MAGEL2: variants seen among roughly 807,000 people sequenced by gnomAD.
MAGEL2 encodes MAGE family member L2, also known as MAGE-like protein 2.
For missense variants in MAGEL2, 1,830 were observed against 1,699.2 expected (o/e 1.08, Z -1.35); for synonymous variants, 792 against 721.7 (o/e 1.10, Z -1.56).
rs771087085 is a variant in MAGEL2, at chr15:23,645,478, G to A, written c.2265C>T (p.Thr755=). 1.2e-6 allele frequency: 2 copies of A among 1,613,990 alleles called. No individual in the cohort carries two copies. Among genetic ancestry groups the A allele is most frequent in the African/African-American group, 1.3e-5 (1 of 75,060 alleles). Residue 755 remains threonine (T), a synonymous_variant, in exon 1 of 1, where the codon ACC becomes ACT. Coordinates refer to ENST00000650528, the MANE Select transcript of MAGEL2 (RefSeq NM_019066.5). Reference sequence around the variant, plus strand: ...CTGACACTGCCTTGGGAGCACAGAAGGTGGCAGCAAAGATCATGCGGTCTT... The same window carrying A: ...CTGACACTGCCTTGGGAGCACAGAAAGTGGCAGCAAAGATCATGCGGTCTT... The part of the protein sequence containing the change: ...PSKDRMIFAA[T]FCAPKAVSAA...
chr15:23,644,424 T>C lies in MAGEL2; in HGVS notation c.3319A>G (p.Arg1107Gly). 3 of 1,613,906 alleles carry C rather than the reference T, an allele frequency of 1.9e-6. No individual in the cohort carries two copies. The South Asian group carries it at 3.3e-5, about 18-fold the overall frequency. ...ACCATCAGAAGGCCAAACTTGGGCC[T>C]GTCTAAATAGGATGCCACCAAATTC... ...TGNLVASYLD[R>G]PKFGLLMVVL... Residue 1107 changes from arginine to glycine, a missense_variant, in exon 1 of 1, where the codon AGG becomes GGG. Transcript: ENST00000650528.
Position 23,647,644 on chromosome 15 carries a change from CG to C in MAGEL2, c.98del (p.Pro33ArgfsTer47). 6.5e-7 allele frequency: 1 copy of C among 1,536,304 alleles called. No individual in the cohort carries two copies. The highest frequency in any genetic ancestry group is 8.7e-7 in the Non-Finnish European group (1 of 1,146,644). The part of the protein sequence containing the change: ...YSRPTVLMRA[P>X]PASSRAPPVP... ...CTGGCGGAGCCCGGGAGGAAGCGGG[CG>C]GGGCCCGCATCAGAACCGTAGGGCG... is the stretch of plus-strand genomic sequence containing the variant. On this transcript the variant is annotated frameshift_variant, in exon 1 of 1. Transcript: ENST00000650528. LOFTEE classifies it low-confidence loss of function (END_TRUNC).
Position 23,646,405 on chromosome 15 carries a change from C to A in MAGEL2, c.1338G>T (p.Gln446His), listed in dbSNP as rs1890405798. ...GGGCCTGGCGGATCACGGGTGGGGC[C>A]TGGCGGATCACCGGTGGGGCCTGGC... ...LIRQAPPVIRQAPPVIRQAPP... is the reference protein window; with the variant it reads ...LIRQAPPVIRHAPPVIRQAPP... The change falls in exon 1 of 1, where the codon CAG becomes CAT. Residue 446 changes from glutamine (Q) to histidine (H), a missense_variant. Physicochemically the swap from Gln to His is conservative, Grantham distance 24. Transcript: ENST00000650528. This position sits in a 1 kb window ranked among gnomAD's most constrained non-coding sequence, Gnocchi z 4.2. 1 of 1,403,938 alleles carries A rather than the reference C, an allele frequency of 7.1e-7. No individual in the cohort carries two copies. Among genetic ancestry groups the A allele is most frequent in the African/African-American group, 1.5e-5 (1 of 65,306 alleles). The allele number at this position is 1,403,938 out of a possible 1,614,324, so 87.0% of individuals were successfully genotyped here. A position where few individuals can be genotyped will look rare whatever the true frequency, so the allele number is the denominator to read the frequency against.
chr15:23,647,683 C>G lies in MAGEL2; in HGVS notation c.60G>C (p.Pro20=). The G allele has an allele frequency of 6.6e-7, 1 of 1,505,270 alleles. No homozygotes were observed. The highest frequency in any genetic ancestry group is 2.5e-5 in the East Asian group (1 of 40,514). 93.2% of individuals were successfully genotyped at this position (1,505,270 alleles called of 1,614,324 possible). The change falls in exon 1 of 1, where the codon CCG becomes CCC. Residue 20 remains proline, a synonymous_variant. Transcript: ENST00000650528. ...GAACCGTAGGGCGGCTATAGACAGG[C>G]GGCTTCGGGGCCTCCGCCGGAGGAC... is the stretch of plus-strand genomic sequence containing the variant. The part of the protein sequence containing the change: ...DSSPPAEAPK[P]PVYSRPTVLM...
chr15:23,645,281 A>G lies in MAGEL2; in HGVS notation c.2462T>C (p.Leu821Pro). 1.2e-6 allele frequency: 2 copies of G among 1,613,976 alleles called. No individual in the cohort carries two copies. The highest frequency in any genetic ancestry group is 1.7e-6 in the Non-Finnish European group (2 of 1,179,878). ...SETPKSLPYALQDPFACVEAL... is the reference protein window; with the variant it reads ...SETPKSLPYAPQDPFACVEAL... Reference sequence around the variant, plus strand: ...CTCTACACAGGCAAAGGGATCCTGCAGAGCATATGGCAGTGACTTTGGGGT... The same window carrying G: ...CTCTACACAGGCAAAGGGATCCTGCGGAGCATATGGCAGTGACTTTGGGGT... Residue 821 changes from leucine (L) to proline (P), a missense_variant, in exon 1 of 1, where the codon CTG becomes CCG. By Grantham distance (98) the Leu-to-Pro change is moderately conservative. Coordinates refer to ENST00000650528, the MANE Select transcript of MAGEL2 (RefSeq NM_019066.5).
Position 23,645,875 on chromosome 15 carries a change from G to A in MAGEL2, c.1868C>T (p.Pro623Leu). 4.4e-6 allele frequency: 7 copies of A among 1,575,846 alleles called. No homozygotes were observed. The highest frequency in any genetic ancestry group is 6.0e-6 in the Non-Finnish European group (7 of 1,161,144). ...QALAWQAQKA[P>L]THIWQPLPAQ... ...AGGCAGGGGCTGCCAGATGTGAGTG[G>A]GGGCCTTCTGGGCCTGCCAGGCCAG... The change falls in exon 1 of 1, where the codon CCC (proline) becomes CTC (leucine). Residue 623 changes from proline to leucine, a missense_variant. Coordinates refer to ENST00000650528, the MANE Select transcript of MAGEL2 (RefSeq NM_019066.5).
In MAGEL2 at chr15:23,645,350, G is replaced by T; in HGVS notation, c.2393C>A (p.Pro798His). The change falls in exon 1 of 1, where the codon CCT becomes CAT. Residue 798 changes from proline (P) to histidine (H), a missense_variant. By Grantham distance (77) the Pro-to-His change is moderately conservative (BLOSUM62 -2). Coordinates refer to ENST00000650528, the MANE Select transcript of MAGEL2 (RefSeq NM_019066.5). ...SVFPATSQFQPASLNAFKGPS... is the reference protein window; with the variant it reads ...SVFPATSQFQHASLNAFKGPS... ...GCCTTTAAAGGCATTCAGAGAGGCA[G>T]GCTGAAACTGGGAGGTAGCTGGGAA... 1.2e-6 allele frequency: 2 copies of T among 1,614,030 alleles called. No individual in the cohort carries two copies. Among genetic ancestry groups the T allele is most frequent in the Non-Finnish European group, 1.7e-6 (2 of 1,179,892 alleles).
At position 23,646,226 on chromosome 15, in the gene MAGEL2, A is replaced by T. The variant is rs1455413040; in HGVS notation, c.1517T>A (p.Val506Asp). Reference protein sequence around the residue: ...APPPIRPAPQVLATQPPLWQA... With the variant: ...APPPIRPAPQDLATQPPLWQA... ...CCAGAGCGGTGGCTGGGTGGCCAGG[A>T]CCTGTGGGGCAGGTCGGATGGGCGG... Residue 506 changes from valine (V) to aspartate (D), a missense_variant, in exon 1 of 1, where the codon GTC becomes GAC. Val to Asp is a radical substitution (Grantham distance 152). Transcript: ENST00000650528. The surrounding 1 kb of genome is among the most constrained non-coding windows in gnomAD (Gnocchi z 4.2). 1 of 1,347,268 alleles carries T rather than the reference A, an allele frequency of 7.4e-7. No individual in the cohort carries two copies. Among genetic ancestry groups the T allele is most frequent in the South Asian group, 1.9e-5 (1 of 51,516 alleles). The allele number at this position is 1,347,268 out of a possible 1,614,324, so 83.5% of individuals were successfully genotyped here. A position where few individuals can be genotyped will look rare whatever the true frequency, so the allele number is the denominator to read the frequency against.
rs1357037286 is a variant in MAGEL2, at chr15:23,645,684, G to T, written c.2059C>A (p.Gln687Lys). 1.9e-6 allele frequency: 3 copies of T among 1,559,492 alleles called. No homozygotes were observed. In the South Asian group the frequency reaches 3.7e-5, roughly 19 times the overall value. Residue 687 changes from glutamine (Q) to lysine (K), a missense_variant, in exon 1 of 1, where the codon CAG (glutamine) becomes AAG (lysine). By Grantham distance (53) the Gln-to-Lys change is moderately conservative. Transcript: ENST00000650528. ...VPTLPLQPSW[Q>K]APPAVLQAQP... ...GCCTGCAAGACTGCAGGCGGTGCCT[G>T]CCAGGAAGGCTGGAGCGGCAGTGTG...
chr15:23,645,784 C>T lies in MAGEL2; in HGVS notation c.1959G>A (p.Pro653=), dbSNP rs746848687. The part of the protein sequence containing the change: ...VQLEQPFQGA[P]PSQKAVQIQL... ...GGATTTGCACGGCTTTTTGGGAGGG[C>T]GGGGCTCCCTGAAAGGGCTGCTCCA... The change falls in exon 1 of 1, where the codon CCG becomes CCA. Residue 653 remains proline, a synonymous_variant. Transcript: ENST00000650528. The T allele has an allele frequency of 5.0e-6, 8 of 1,588,046 alleles. No homozygotes were observed. The highest frequency in any genetic ancestry group is 3.3e-4 in the Middle Eastern group (2 of 5,982).
chr15:23,645,652 G>A lies in MAGEL2; in HGVS notation c.2091C>T (p.Pro697=), dbSNP rs993753256. The A allele has an allele frequency of 4.4e-6, 7 of 1,578,844 alleles. No individual in the cohort carries two copies. The highest frequency in any genetic ancestry group is 6.0e-6 in the Non-Finnish European group (7 of 1,164,386). ...AATTTGCCGCTGCTACCGGGGGTCC[G>A]GGCTGGGCCTGCAAGACTGCAGGCG... is the stretch of plus-strand genomic sequence containing the variant. ...QAPPAVLQAQ[P]GPPVAAANFP... is the part of the protein sequence containing the mutation. Residue 697 remains proline (P), a synonymous_variant, in exon 1 of 1, where the codon CCC becomes CCT. Transcript: ENST00000650528.
At position 23,647,129 on chromosome 15, in the gene MAGEL2, G is replaced by A. The variant is rs1359447999; in HGVS notation, c.614C>T (p.Pro205Leu). Residue 205 changes from proline (P) to leucine (L), a missense_variant, in exon 1 of 1, where the codon CCG becomes CTG. Physicochemically the swap from Pro to Leu is moderately conservative, Grantham distance 98. Transcript: ENST00000650528. ...TGGAGGATGAGCCATCGGTGTCCCC[G>A]GAGGGGGAGGATGAGCCATCGGTGT... Reference protein sequence around the residue: ...PGTPMAHPPPPGTPMAHPPPP... With the variant: ...PGTPMAHPPPLGTPMAHPPPP... 5.9e-6 allele frequency: 9 copies of A among 1,528,386 alleles called. No homozygotes were observed. Among genetic ancestry groups the A allele is most frequent in the East Asian group, 4.9e-5 (2 of 40,786 alleles). 94.7% of individuals were successfully genotyped at this position (1,528,386 alleles called of 1,614,324 possible).
Position 23,647,556 on chromosome 15 carries a change from G to GGGCC in MAGEL2, c.186_187insGGCC (p.Pro63GlyfsTer40). 45 of 1,534,938 alleles carry GGGCC rather than the reference G, an allele frequency of 2.9e-5. No homozygotes were observed. The highest frequency in any genetic ancestry group is 3.9e-5 in the Non-Finnish European group (45 of 1,146,328). ...TGGCCCTGTGGGGCCTCCCAGGCAG[G>GGGCC]CTGAGGTGCCTGCCAAGCGGCCAAT... On this transcript the variant is annotated frameshift_variant, in exon 1 of 1. Transcript: ENST00000650528. LOFTEE classifies it low-confidence loss of function (END_TRUNC).
rs2140715112 is a variant in MAGEL2, at chr15:23,646,007, G to C, written c.1736C>G (p.Ala579Gly). Reference protein sequence around the residue: ...PLSAPLSAPQAVHCPSIIWQA... With the variant: ...PLSAPLSAPQGVHCPSIIWQA... ...CCAGATGATGGAAGGGCAGTGCACA[G>C]CCTGCGGGGCAGACAGTGGGGCAGA... Residue 579 changes from alanine to glycine, a missense_variant, in exon 1 of 1, where the codon GCT becomes GGT. Ala to Gly is a moderately conservative substitution (Grantham distance 60). Coordinates refer to ENST00000650528, the MANE Select transcript of MAGEL2 (RefSeq NM_019066.5). This position sits in a 1 kb window ranked among gnomAD's most constrained non-coding sequence, Gnocchi z 4.2. The C allele has an allele frequency of 1.3e-6, 2 of 1,551,152 alleles. No homozygotes were observed. The highest frequency in any genetic ancestry group is 1.7e-6 in the Non-Finnish European group (2 of 1,147,524).
Position 23,647,204 on chromosome 15 carries a change from A to G in MAGEL2, c.539T>C (p.Val180Ala), listed in dbSNP as rs58729661. 396 of 1,453,590 alleles carry G rather than the reference A, an allele frequency of 2.7e-4. 1 individual carries two copies. The African/African-American group carries it at 4.2e-3, about 15-fold the overall frequency. 90.0% of individuals were successfully genotyped at this position (1,453,590 alleles called of 1,614,324 possible). ...CGGGGTCCCCGGAGGAGGAGGATGCACCATCGGGGTCCCCGGAGGAGGAGG... is the reference window on the plus strand; with the variant it reads ...CGGGGTCCCCGGAGGAGGAGGATGCGCCATCGGGGTCCCCGGAGGAGGAGG... ...AHPPPPGTPMVHPPPPGTPMA... is the reference protein window; with the variant it reads ...AHPPPPGTPMAHPPPPGTPMA... Residue 180 changes from valine (V) to alanine (A), a missense_variant, in exon 1 of 1, where the codon GTG (valine) becomes GCG (alanine). Coordinates refer to ENST00000650528, the MANE Select transcript of MAGEL2 (RefSeq NM_019066.5).
At position 23,646,425 on chromosome 15, in the gene MAGEL2, C is replaced by T; in HGVS notation, c.1318G>A (p.Ala440Thr). ...VRQAPPLIRQAPPVIRQAPPV... is the reference protein window; with the variant it reads ...VRQAPPLIRQTPPVIRQAPPV... ...GGGGCCTGGCGGATCACCGGTGGGGCCTGGCGGATCAGCGGTGGGGCCTGT... is the reference window on the plus strand; with the variant it reads ...GGGGCCTGGCGGATCACCGGTGGGGTCTGGCGGATCAGCGGTGGGGCCTGT... Residue 440 changes from alanine to threonine, a missense_variant, in exon 1 of 1, where the codon GCC (alanine) becomes ACC (threonine). Coordinates refer to ENST00000650528, the MANE Select transcript of MAGEL2 (RefSeq NM_019066.5). This position sits in a 1 kb window ranked among gnomAD's most constrained non-coding sequence, Gnocchi z 4.2. The T allele has an allele frequency of 3.5e-6, 5 of 1,414,312 alleles. No individual in the cohort carries two copies. The highest frequency in any genetic ancestry group is 3.1e-5 in the South Asian group (2 of 64,038). 87.6% of individuals were successfully genotyped at this position (1,414,312 alleles called of 1,614,324 possible). A position where few individuals can be genotyped will look rare whatever the true frequency, so the allele number is the denominator to read the frequency against.
In MAGEL2 at chr15:23,646,978, C is replaced by T. The variant is rs760536434; in HGVS notation, c.765G>A (p.Pro255=). The change falls in exon 1 of 1, where the codon CCG becomes CCA. Residue 255 remains proline, a synonymous_variant. Coordinates refer to ENST00000650528, the MANE Select transcript of MAGEL2 (RefSeq NM_019066.5). This position sits in a 1 kb window ranked among gnomAD's most constrained non-coding sequence, Gnocchi z 4.2. ...PGVLMVQPAA[P]GAPMVQPPPA... ...GAGGCGGCTGGACCATCGGTGCTCC[C>T]GGAGCAGCAGGCTGGACCATCAGGA... is the stretch of plus-strand genomic sequence containing the variant. 7.8e-6 allele frequency: 12 copies of T among 1,536,706 alleles called. No individual in the cohort carries two copies. Among genetic ancestry groups the T allele is most frequent in the Admixed American group, 5.9e-5 (3 of 50,966 alleles).
chr15:23,646,626 G>T lies in MAGEL2; in HGVS notation c.1117C>A (p.Pro373Thr). Residue 373 changes from proline to threonine, a missense_variant, in exon 1 of 1, where the codon CCA (proline) becomes ACA (threonine). Physicochemically the swap from Pro to Thr is conservative, Grantham distance 38. Coordinates refer to ENST00000650528, the MANE Select transcript of MAGEL2 (RefSeq NM_019066.5). This position sits in a 1 kb window ranked among gnomAD's most constrained non-coding sequence, Gnocchi z 4.2. ...ATPPGWQATS[P>T]GWQATQQGWQ... Reference sequence around the variant, plus strand: ...CCTTGCTGCGTGGCCTGCCATCCTGGCGAGGTCGCCTGCCAGCCCGGGGGT... The same window carrying T: ...CCTTGCTGCGTGGCCTGCCATCCTGTCGAGGTCGCCTGCCAGCCCGGGGGT... 1 of 1,477,262 alleles carries T rather than the reference G, an allele frequency of 6.8e-7. No homozygotes were observed. The allele number at this position is 1,477,262 out of a possible 1,614,324, so 91.5% of individuals were successfully genotyped here. A position where few individuals can be genotyped will look rare whatever the true frequency, so the allele number is the denominator to read the frequency against.
Position 23,645,214 on chromosome 15 carries a change from A to T in MAGEL2, c.2529T>A (p.Asn843Lys), listed in dbSNP as rs1890369477. ...AVPWVPQPNMNASKASQAVPT... is the reference protein window; with the variant it reads ...AVPWVPQPNMKASKASQAVPT... Reference sequence around the variant, plus strand: ...GCACTGCCTGCGATGCCTTTGAGGCATTCATATTGGGCTGTGGGACCCATG... The same window carrying T: ...GCACTGCCTGCGATGCCTTTGAGGCTTTCATATTGGGCTGTGGGACCCATG... Residue 843 changes from asparagine (N) to lysine (K), a missense_variant, in exon 1 of 1, where the codon AAT (asparagine) becomes AAA (lysine). Transcript: ENST00000650528. The T allele has an allele frequency of 6.2e-7, 1 of 1,613,782 alleles. No homozygotes were observed. The highest frequency in any genetic ancestry group is 1.3e-5 in the African/African-American group (1 of 74,948).
Sources: allele counts gnomAD v4.1 joint callset, GRCh38; gene constraint gnomAD v4.1.1; non-coding constraint Gnocchi (gnomAD v3.1); transcripts MANE v1.5; gene names NCBI Gene and HGNC (gene_info 2026-07-23, HGNC 2026-07-21).